The following PTK2B variants were observed in gnomAD, a reference collection of about 807,000 sequenced individuals.
PTK2B encodes protein tyrosine kinase 2 beta.
Under a neutral mutation model 142.9 loss-of-function variants are expected in PTK2B, and 71 were observed. The observed-to-expected ratio is 0.50, with a 90% CI of 0.41 to 0.61. The LOEUF is 0.61. Ranked by LOEUF, PTK2B falls within the 20% of genes least tolerant of loss-of-function variation. PTK2B has a pLI of 0.00. For synonymous variants in PTK2B, 519 were observed against 503.4 expected, an observed-to-expected ratio of 1.03 and a Z score of -0.42; for missense variants, 1,105 against 1,320.4, an observed-to-expected ratio of 0.84 and a Z score of 2.53.
At chr8:27,435,890 C>G (rs922955056) in intron 14 of PTK2B, 97 bp downstream of exon 14, 155 of 1,410,306 alleles carry the variant, frequency 1.1e-4, no homozygotes, top group Non-Finnish European at 1.5e-4. Flanking sequence ...TCTTTTCCTC[C>G]TTTATCCTCC....
upstream of PTK2B, among the ~76,000 whole-genome samples, chr8:27,320,683 G>A (rs759422696): frequency 3.3e-5 from 5 of 152,206 alleles, no homozygotes; most frequent in Non-Finnish European, 7.3e-5. Context: ...GGGGCATGGA[G>A]CTTCATGCCT....
Position 27,438,944 on chromosome 8 carries a change from C to T in PTK2B, c.1644-87C>T, listed in dbSNP as rs1004924523. The T allele has an allele frequency of 2.3e-5, 29 of 1,278,878 alleles. No individual in the cohort carries two copies. In the Admixed American group the frequency reaches 5.3e-4, roughly 23 times the overall value. The allele number at this position is 1,278,878 out of a possible 1,614,324, so 79.2% of individuals were successfully genotyped here. On this transcript the variant is annotated intron_variant, in intron 18 of 30. Transcript: ENST00000346049. ...AGTCCCTGGCTTAGATTCTTGGTCT[C>T]TTTTTCCATCTGTCTGTCCATCTCT...
intron 14 of PTK2B, among the ~76,000 whole-genome samples, 189 bp from the exon 15 acceptor site, chr8:27,436,062 G>A (rs1261109488): frequency 6.6e-6 from 1 of 152,172 alleles, no homozygotes; most frequent in Non-Finnish European, 1.5e-5. Context: ...AGGGAGCAGG[G>A]TGATGGCTCT....
At chr8:27,449,207 G>A (rs1034336285) in intron 24 of PTK2B, among the ~76,000 whole-genome samples, 4 of 152,192 alleles carry the variant, frequency 2.6e-5, no homozygotes, top group East Asian at 3.9e-4. Flanking sequence ...TAAGAACATC[G>A]TATAGTTTAA....
intron 1 of PTK2B, among the ~76,000 whole-genome samples, chr8:27,365,693 C>T (rs796910659): frequency 2.6e-5 from 4 of 152,282 alleles, no homozygotes; most frequent in African/African-American, 4.8e-5. Flanking sequence ...TGTCACCACT[C>T]ATTAAAAATA....
intron 1 of PTK2B, among the ~76,000 whole-genome samples, chr8:27,344,351 A>G (rs1804590058): frequency 6.6e-6 from 1 of 152,210 alleles, no homozygotes; most frequent in Admixed American, 6.5e-5. Flanking sequence ...AGGGCTTCTC[A>G]AGGTGTGGCC....
chr8:27,357,705 A>G (rs985881342), intron 1 of PTK2B, among the ~76,000 whole-genome samples: 2 of 152,230 alleles, frequency 1.3e-5, no homozygotes, highest in African/African-American at 4.8e-5. Flanking sequence ...AAAGATATAG[A>G]TAGCCAAGAG....
exon 1 of PTK2B, chr8:27,311,588 G>A (rs17056989): frequency 0.025 from 7,914 of 322,484 alleles, 558 homozygotes; most frequent in African/African-American, 0.15. Context: ...CCTACTTCCG[G>A]CTGCAAATGG....
chr8:27,433,641 G>C (rs1173086272), intron 11 of PTK2B, 89 bp downstream of exon 11: 41 of 1,096,348 alleles, frequency 3.7e-5, no homozygotes, highest in Non-Finnish European at 4.8e-5. Context: ...CTAAGCCACT[G>C]ATGGATAAGT....
intron 1 of PTK2B, among the ~76,000 whole-genome samples, chr8:27,344,751 C>T (rs920993100): frequency 2.0e-5 from 3 of 152,142 alleles, no homozygotes; most frequent in Non-Finnish European, 2.9e-5. Context: ...TGTACTGTTG[C>T]GTCTTGTTTG....
At chr8:27,397,461 G>T in intron 1 of PTK2B, 87 bp from the exon 2 acceptor site, 1 of 1,008,602 alleles carries the variant, frequency 9.9e-7, no homozygotes. Flanking sequence ...GTCTGTCTTG[G>T]AGCTCGGTGG....
intron 1 of PTK2B, among the ~76,000 whole-genome samples, chr8:27,386,888 T>C (rs543063998): frequency 6.6e-6 from 1 of 152,258 alleles, no homozygotes; most frequent in Admixed American, 6.5e-5. Context: ...GGTTTTTTTT[T>C]TTTTAATCAC....
At chr8:27,447,052 T>A (rs985273539) in intron 24 of PTK2B, among the ~76,000 whole-genome samples, 3 of 152,254 alleles carry the variant, frequency 2.0e-5, no homozygotes, top group African/African-American at 7.2e-5. Context: ...TATTCATAAA[T>A]GATTGTTTTA....
chr8:27,458,767 C>A lies in PTK2B; in HGVS notation c.*258C>A. 3.6e-6 allele frequency: 2 copies of A among 549,456 alleles called. No homozygotes were observed. The highest frequency in any genetic ancestry group is 6.6e-6 in the Non-Finnish European group (2 of 304,292). 34.0% of individuals were successfully genotyped at this position (549,456 alleles called of 1,614,324 possible). ...TCAGAGGGGGACTGCTGCTGCCTGG[C>A]CACTGCTCCCTAAGCCAGCCTGGTC... is the stretch of plus-strand genomic sequence containing the variant. On this transcript the variant is annotated 3_prime_UTR_variant, in exon 31 of 31. Coordinates refer to ENST00000346049, the MANE Select transcript of PTK2B (RefSeq NM_173176.3).
Position 27,397,553 on chromosome 8 carries a change from C to T in PTK2B, c.-32C>T, listed in dbSNP as rs1354006538. On this transcript the variant is annotated 5_prime_UTR_variant, in exon 2 of 31. Coordinates refer to ENST00000346049, the MANE Select transcript of PTK2B (RefSeq NM_173176.3). ...ACCCTCTGCTGTCTCTGCAGGACTGCAATGTGCCGATCTTAGCTGCTGCCT... is the reference window on the plus strand; with the variant it reads ...ACCCTCTGCTGTCTCTGCAGGACTGTAATGTGCCGATCTTAGCTGCTGCCT... The T allele has an allele frequency of 6.2e-7, 1 of 1,608,026 alleles. No individual in the cohort carries two copies. The highest frequency in any genetic ancestry group is 2.2e-5 in the East Asian group (1 of 44,862).
intron 1 of PTK2B, among the ~76,000 whole-genome samples, chr8:27,379,802 G>A (rs374429339): frequency 1.6e-4 from 24 of 152,198 alleles, no homozygotes; most frequent in South Asian, 6.2e-4. Flanking sequence ...CTGCAATGGC[G>A]TGATCTTGGC....
At chr8:27,389,570 G>A (rs900610829) in intron 1 of PTK2B, among the ~76,000 whole-genome samples, 6 of 152,216 alleles carry the variant, frequency 3.9e-5, no homozygotes, top group African/African-American at 1.4e-4. Flanking sequence ...CAAGCCAGCT[G>A]GCCTCTGAGC....
chr8:27,409,572 C>T (rs973894385), intron 2 of PTK2B, among the ~76,000 whole-genome samples: 1 of 152,150 alleles, frequency 6.6e-6, no homozygotes, highest in Non-Finnish European at 1.5e-5. Context: ...GAAAAAAACC[C>T]AAAGGGAGAT....
chr8:27,339,623 C>T (rs551666531), intron 1 of PTK2B, among the ~76,000 whole-genome samples: 8 of 152,118 alleles, frequency 5.3e-5, no homozygotes, highest in African/African-American at 1.2e-4. Flanking sequence ...GCTCAGACCC[C>T]GGAAAGGGAA....
Sources: gnomAD v4.1 joint callset for allele counts (sites outside exome capture counted in the v4.1 genomes callset) on GRCh38, gnomAD v4.1.1 for gene constraint, MANE v1.5 for transcripts, NCBI Gene and HGNC (gene_info 2026-07-23, HGNC 2026-07-21) for gene names.